Variants in TOM1L2 observed in about 807,000 individuals in gnomAD.
The protein encoded by TOM1L2 is target of myb1 like 2 membrane trafficking protein, also known as TOM1-like protein 2.
Under a neutral mutation model 67.9 loss-of-function variants are expected in TOM1L2, and 31 were observed. The ratio of observed to expected loss-of-function variants is 0.46; its 90% CI spans 0.34 to 0.62. TOM1L2 has a LOEUF of 0.62. TOM1L2 is among the 20% of genes least tolerant of loss of function. TOM1L2 has a pLI of 0.01. For synonymous variants in TOM1L2, 256 were observed against 254.0 expected (o/e 1.01, Z -0.07); for missense variants, 606 against 663.5 (o/e 0.91, Z 0.95).
At chr17:17,877,893 T>A (rs1239851423) in intron 7 of TOM1L2, among the ~76,000 whole-genome samples, 1 of 149,546 alleles carries the variant, frequency 6.7e-6, no homozygotes, top group East Asian at 2.0e-4. Context: ...AAAAAAAAAA[T>A]CCCAAACCCC....
chr17:17,848,791 AGGGGGCTGTAAGGCCACT>A lies in TOM1L2; in HGVS notation c.1375+14_1375+31del. 1 of 1,612,998 alleles carries A rather than the reference AGGGGGCTGTAAGGCCACT, an allele frequency of 6.2e-7. No individual in the cohort carries two copies. The highest frequency in any genetic ancestry group is 8.5e-7 in the Non-Finnish European group (1 of 1,179,360). On this transcript the variant is annotated intron_variant, in intron 14 of 14. Transcript: ENST00000379504. Reference sequence around the variant, plus strand: ...GTGCAGCCTGCACAGAGGCAACAAAAGGGGGCTGTAAGGCCACTGGCCAGGCCATACCTTCACTTGTGA... The same window carrying A: ...GTGCAGCCTGCACAGAGGCAACAAAAGGCCAGGCCATACCTTCACTTGTGA...
At chr17:17,908,059 T>C (rs779061452) in intron 1 of TOM1L2, among the ~76,000 whole-genome samples, 9 of 152,192 alleles carry the variant, frequency 5.9e-5, no homozygotes, top group African/African-American at 1.4e-4. Flanking sequence ...TAAAAATCAA[T>C]TGCAGTAGTT....
intron 2 of TOM1L2, among the ~76,000 whole-genome samples, chr17:17,902,565 A>G (rs970683170): frequency 3.3e-5 from 5 of 152,182 alleles, no homozygotes; most frequent in African/African-American, 7.2e-5. Context: ...ACCATATAGA[A>G]CTGTTGGGGG....
At chr17:17,935,015 A>C (rs2040466264) in intron 1 of TOM1L2, among the ~76,000 whole-genome samples, 1 of 152,258 alleles carries the variant, frequency 6.6e-6, no homozygotes, top group African/African-American at 2.4e-5. Context: ...TGTGCACTGC[A>C]TACAAAGCCA....
chr17:17,940,027 T>C (rs771115076), intron 1 of TOM1L2, among the ~76,000 whole-genome samples: 5 of 151,810 alleles, frequency 3.3e-5, no homozygotes, highest in Non-Finnish European at 7.4e-5. Context: ...ACCTCATCTC[T>C]ACTAAAAATA....
chr17:17,901,591 T>C (rs957848609), intron 2 of TOM1L2, among the ~76,000 whole-genome samples: 5 of 152,240 alleles, frequency 3.3e-5, no homozygotes, highest in Non-Finnish European at 5.9e-5. Context: ...AAAAGCTTTC[T>C]CCTCATCACC....
chr17:17,879,695 C>CT lies in TOM1L2; in HGVS notation c.708dup (p.Val237SerfsTer4). ...ATTTCTGTTAACATCTCAGACATGA[C>CT]TTTTGTGTTTCCTCGAACGACGTCC... On this transcript the variant is annotated frameshift_variant, in exon 7 of 15. Coordinates refer to ENST00000379504, the MANE Select transcript of TOM1L2 (RefSeq NM_001082968.2). LOFTEE classifies it high-confidence loss of function. The CT allele has an allele frequency of 6.2e-7, 1 of 1,614,220 alleles. No homozygotes were observed. Among genetic ancestry groups the CT allele is most frequent in the Non-Finnish European group, 8.5e-7 (1 of 1,180,052 alleles).
At chr17:17,923,954 G>A (rs1356825980) in intron 1 of TOM1L2, among the ~76,000 whole-genome samples, 1 of 151,806 alleles carries the variant, frequency 6.6e-6, no homozygotes, top group African/African-American at 2.4e-5. Context: ...TGGCCAACAT[G>A]GTGAAACCCC....
At chr17:17,914,478 C>T (rs1344868897) in intron 1 of TOM1L2, among the ~76,000 whole-genome samples, 1 of 152,208 alleles carries the variant, frequency 6.6e-6, no homozygotes, top group Non-Finnish European at 1.5e-5. Flanking sequence ...GACTTTTACT[C>T]TCTTTCCCAC....
chr17:17,902,109 GT>G (rs1385111816), intron 2 of TOM1L2, among the ~76,000 whole-genome samples: 1 of 152,182 alleles, frequency 6.6e-6, no homozygotes, highest in African/African-American at 2.4e-5. Context: ...CTGGGAGGCG[GT>G]GGTTGTGGTG....
Position 17,847,074 on chromosome 17 carries a change from T to G in TOM1L2, c.*561A>C, listed in dbSNP as rs2035682087. On this transcript the variant is annotated 3_prime_UTR_variant, in exon 15 of 15. Transcript: ENST00000379504. Reference sequence around the variant, plus strand: ...TCAAGAAGGTGAGAGACCCCCACCATGGAGACCCAGCAGAGCCTTCTCAAA... The same window carrying G: ...TCAAGAAGGTGAGAGACCCCCACCAGGGAGACCCAGCAGAGCCTTCTCAAA... The G allele has an allele frequency of 6.5e-6, 1 of 154,408 alleles. No homozygotes were observed. Among genetic ancestry groups the G allele is most frequent in the African/African-American group, 2.4e-5 (1 of 41,428 alleles). 9.6% of individuals were successfully genotyped at this position (154,408 alleles called of 1,614,324 possible).
chr17:17,872,728 A>C (rs2037215608), intron 7 of TOM1L2, among the ~76,000 whole-genome samples: 1 of 152,166 alleles, frequency 6.6e-6, no homozygotes, highest in South Asian at 2.1e-4. Flanking sequence ...TCTGCGGAAA[A>C]TCTCTGATGA....
chr17:17,928,978 C>T (rs1471248704), intron 1 of TOM1L2, among the ~76,000 whole-genome samples: 1 of 152,210 alleles, frequency 6.6e-6, no homozygotes. Context: ...CTGGACCACA[C>T]AGAAAAATCC....
At chr17:17,903,533 A>AGGCGGG (rs1383197535) in intron 2 of TOM1L2, among the ~76,000 whole-genome samples, 2 of 151,766 alleles carry the variant, frequency 1.3e-5, no homozygotes, top group Admixed American at 1.3e-4. Context: ...GAATGGCATG[A>AGGCGGG]ACCCGGGAGG....
chr17:17,891,097 G>A (rs2038248177), intron 4 of TOM1L2, among the ~76,000 whole-genome samples: 1 of 152,226 alleles, frequency 6.6e-6, no homozygotes, highest in Non-Finnish European at 1.5e-5. Flanking sequence ...TTCACAGCTG[G>A]ACCAGGAAAC....
At position 17,866,429 on chromosome 17, in the gene TOM1L2, C is replaced by CT; in HGVS notation, c.961-11_961-10insA. On this transcript the variant is annotated splice_polypyrimidine_tract_variant and intron_variant, in intron 9 of 14. Transcript: ENST00000379504. ...TTACTTCATTCAGTACCTGTCAGAA[C>CT]ATGAGATTGGCCATAAGCCCCAGAA... is the stretch of plus-strand genomic sequence containing the variant. 6.3e-7 allele frequency: 1 copy of CT among 1,587,520 alleles called. No homozygotes were observed. Among genetic ancestry groups the CT allele is most frequent in the Non-Finnish European group, 8.6e-7 (1 of 1,164,722 alleles).
rs375361037 is a variant in TOM1L2, at chr17:17,893,716, G to A, written c.311C>T (p.Ser104Phe). The change falls in exon 4 of 15, where the codon TCT becomes TTT. Residue 104 changes from serine to phenylalanine, a missense_variant. Coordinates refer to ENST00000379504, the MANE Select transcript of TOM1L2 (RefSeq NM_001082968.2). ...FIDSVLVKII[S>F]PKNNPPTIVQ... Reference sequence around the variant, plus strand: ...AATGGTGGGAGGGTTGTTCTTGGGAGATATAATTTTGACCAGAACACTGTC... The same window carrying A: ...AATGGTGGGAGGGTTGTTCTTGGGAAATATAATTTTGACCAGAACACTGTC... 1.1e-4 allele frequency: 178 copies of A among 1,614,050 alleles called. No homozygotes were observed. The highest frequency in any genetic ancestry group is 1.6e-4 in the Middle Eastern group (1 of 6,084).
intron 7 of TOM1L2, among the ~76,000 whole-genome samples, chr17:17,876,605 T>C (rs1387310994): frequency 1.3e-5 from 2 of 152,156 alleles, no homozygotes; most frequent in African/African-American, 4.8e-5. Context: ...AAGCTAGGAT[T>C]TGTGAGGCCT....
chr17:17,956,969 C>T (rs748520130), intron 1 of TOM1L2, among the ~76,000 whole-genome samples: 28 of 152,210 alleles, frequency 1.8e-4, no homozygotes, highest in Admixed American at 1.4e-3. Flanking sequence ...GAGAAGGCAT[C>T]GGGGCTGAGG....
Sources: gnomAD v4.1 joint callset for allele counts (sites outside exome capture counted in the v4.1 genomes callset) on GRCh38, gnomAD v4.1.1 for gene constraint, MANE v1.5 for transcripts, NCBI Gene and HGNC (gene_info 2026-07-23, HGNC 2026-07-21) for gene names.